The following PCDHA1 variants were observed in gnomAD, a reference collection of about 807,000 sequenced individuals.
PCDHA1 encodes protocadherin alpha 1, also known as protocadherin alpha-1.
A neutral mutation model predicts 61.3 loss-of-function variants in PCDHA1; 42 were observed. The ratio of observed to expected loss-of-function variants is 0.69; its 90% CI spans 0.54 to 0.89. The LOEUF (loss-of-function observed/expected upper bound fraction) is 0.89. PCDHA1 is among the 40% of genes least tolerant of loss of function. PCDHA1 has a pLI of 0.00. For missense variants in PCDHA1, 1,256 were observed against 1,235.3 expected (o/e 1.02, Z -0.25); for synonymous variants, 610 against 553.8 (o/e 1.10, Z -1.43).
chr5:140,961,970 G>A (rs1282918892), intron 1 of PCDHA1, among the ~76,000 whole-genome samples: 1 of 150,888 alleles, frequency 6.6e-6, no homozygotes, highest in Non-Finnish European at 1.5e-5. Flanking sequence ...TGCAACCTCC[G>A]CCTCCTGGGT....
rs2150122177 is a variant in PCDHA1, at chr5:140,823,092, C to A, written c.2394+34408C>A. ...CGCCTTCGCTGTGGGCCACCGCCAG[C>A]GTGTCTGTGGAAGTGGCCGACGTGA... On this transcript the variant is annotated intron_variant, in intron 1 of 3. Coordinates refer to ENST00000504120, the MANE Select transcript of PCDHA1 (RefSeq NM_018900.4). 4.3e-6 allele frequency: 7 copies of A among 1,613,906 alleles called. No individual in the cohort carries two copies. The African/African-American group carries it at 8.0e-5, about 18-fold the overall frequency.
chr5:140,917,806 A>G (rs921651411), intron 1 of PCDHA1, among the ~76,000 whole-genome samples: 45 of 151,888 alleles, frequency 3.0e-4, no homozygotes, highest in Admixed American at 2.9e-3. Context: ...GCCTTGCAGT[A>G]TAGTTGAAGT....
intron 1 of PCDHA1, among the ~76,000 whole-genome samples, chr5:140,925,455 T>C (rs1367623051): frequency 6.6e-6 from 1 of 152,106 alleles, no homozygotes; most frequent in Non-Finnish European, 1.5e-5. Flanking sequence ...GGTGTATCTG[T>C]TGTGGCTCAG....
intron 1 of PCDHA1, among the ~76,000 whole-genome samples, chr5:140,879,606 G>A (rs1554170878): frequency 6.6e-6 from 1 of 152,196 alleles, no homozygotes; most frequent in Non-Finnish European, 1.5e-5. Context: ...AAAACAATGT[G>A]TCCAGGTACT....
intron 1 of PCDHA1, chr5:140,800,947 G>T: frequency 9.4e-7 from 1 of 1,058,926 alleles, no homozygotes; most frequent in Non-Finnish European, 1.2e-6. Flanking sequence ...AAGTTCAAAC[G>T]ACATACAAGG....
chr5:140,836,547 C>CGGT, intron 1 of PCDHA1: 1 of 1,613,738 alleles, frequency 6.2e-7, no homozygotes, highest in Non-Finnish European at 8.5e-7. Context: ...CACGGCGTTG[C>CGGT]GGTGCTCAGC....
intron 1 of PCDHA1, chr5:140,836,477 G>A: frequency 1.9e-6 from 3 of 1,613,846 alleles, no homozygotes; most frequent in South Asian, 1.1e-5. Flanking sequence ...ATGTCAACGT[G>A]TACCTGATCA....
intron 1 of PCDHA1, chr5:140,875,646 G>T (rs781973102): frequency 6.2e-7 from 1 of 1,613,722 alleles, no homozygotes; most frequent in Non-Finnish European, 8.5e-7. Context: ...AGCTGGCGGA[G>T]CTGGTGCCGC....
chr5:140,935,447 A>G (rs542363713), intron 1 of PCDHA1, among the ~76,000 whole-genome samples: 1 of 152,364 alleles, frequency 6.6e-6, no homozygotes, highest in South Asian at 2.1e-4. Flanking sequence ...AAATAATATG[A>G]TACTGTAGCA....
At chr5:140,790,823 T>C (rs1293740672) in intron 1 of PCDHA1, among the ~76,000 whole-genome samples, 1 of 152,202 alleles carries the variant, frequency 6.6e-6, no homozygotes, top group Non-Finnish European at 1.5e-5. Context: ...GAATCACAAA[T>C]AATAGTGAAT....
chr5:140,924,096 T>C (rs1044149112), intron 1 of PCDHA1, among the ~76,000 whole-genome samples: 1 of 152,222 alleles, frequency 6.6e-6, no homozygotes, highest in Non-Finnish European at 1.5e-5. Context: ...AAAGAATAAA[T>C]TTTCATTCCA....
At chr5:140,903,614 T>C (rs1583498055) in intron 1 of PCDHA1, among the ~76,000 whole-genome samples, 1 of 152,204 alleles carries the variant, frequency 6.6e-6, no homozygotes, top group Non-Finnish European at 1.5e-5. Flanking sequence ...TACACATGAA[T>C]GTGCATGCAT....
chr5:141,009,944 C>T lies in PCDHA1; in HGVS notation c.*7C>T. On this transcript the variant is annotated 3_prime_UTR_variant, in exon 4 of 4. Coordinates refer to ENST00000504120, the MANE Select transcript of PCDHA1 (RefSeq NM_018900.4). Reference sequence around the variant, plus strand: ...TGACAACAGTGACCAGTGAGGTCCTCAAATGGAAACAAGCCACTTAGCCAG... The same window carrying T: ...TGACAACAGTGACCAGTGAGGTCCTTAAATGGAAACAAGCCACTTAGCCAG... The T allele has an allele frequency of 6.3e-7, 1 of 1,595,754 alleles. No individual in the cohort carries two copies. The highest frequency in any genetic ancestry group is 1.1e-5 in the South Asian group (1 of 87,514).
intron 3 of PCDHA1, among the ~76,000 whole-genome samples, chr5:140,986,707 A>G (rs2097210304): frequency 6.6e-6 from 1 of 152,186 alleles, no homozygotes; most frequent in Admixed American, 6.5e-5. Flanking sequence ...AGCACTGCAG[A>G]AGATAACATT....
chr5:140,850,629 G>C, intron 1 of PCDHA1: 1 of 1,598,736 alleles, frequency 6.3e-7, no homozygotes, highest in South Asian at 1.1e-5. Flanking sequence ...TAGCCTGTTG[G>C]TTCTCACGCT....
chr5:141,004,715 G>T (rs989871938), intron 3 of PCDHA1, among the ~76,000 whole-genome samples: 2 of 152,162 alleles, frequency 1.3e-5, no homozygotes, highest in African/African-American at 2.4e-5. Flanking sequence ...CGAATCAGAG[G>T]TTTTTAAATA....
chr5:140,987,453 A>C (rs2097255093), intron 3 of PCDHA1, among the ~76,000 whole-genome samples: 1 of 152,106 alleles, frequency 6.6e-6, no homozygotes, highest in South Asian at 2.1e-4. Context: ...CCGAGAGATA[A>C]TTGTTAAGAG....
intron 1 of PCDHA1, among the ~76,000 whole-genome samples, chr5:140,974,767 T>C (rs559758887): frequency 1.2e-4 from 18 of 152,098 alleles, no homozygotes; most frequent in Non-Finnish European, 2.4e-4. Flanking sequence ...GGATTACAGG[T>C]ATGAGCCACT....
chr5:140,856,611 A>T (rs782801357), intron 1 of PCDHA1: 2 of 1,598,100 alleles, frequency 1.3e-6, no homozygotes, highest in Non-Finnish European at 1.7e-6. Context: ...AAAGACAAAG[A>T]CAAATTCCCA....
Sources: gnomAD v4.1 joint callset for allele counts (sites outside exome capture counted in the v4.1 genomes callset) on GRCh38, gnomAD v4.1.1 for gene constraint, MANE v1.5 for transcripts, NCBI Gene and HGNC (gene_info 2026-07-23, HGNC 2026-07-21) for gene names.